PTPRD: variants seen among roughly 807,000 people sequenced by gnomAD.
The protein encoded by PTPRD is protein tyrosine phosphatase receptor type D, also known as receptor-type tyrosine-protein phosphatase delta.
A neutral mutation model predicts 214.5 loss-of-function variants in PTPRD; 34 were observed. That is an observed-to-expected ratio of 0.16 (90% CI 0.12 to 0.21). PTPRD has a LOEUF of 0.21. PTPRD is among the 10% of genes least tolerant of loss of function. The probability of loss-of-function intolerance (pLI) is 1.00; values close to 1 mark genes in which losing one functional copy is unlikely to be tolerated. For synonymous variants in PTPRD, 1,128 were observed against 845.7 expected, an observed-to-expected ratio of 1.33 and a Z score of -5.79; for missense variants, 2,545 against 2,398.7, an observed-to-expected ratio of 1.06 and a Z score of -1.27.
At chr9:9,486,245 G>T (rs1451184211) in intron 8 of PTPRD, among the ~76,000 whole-genome samples, 1 of 131,774 alleles carries the variant, frequency 7.6e-6, no homozygotes, top group African/African-American at 2.9e-5. Flanking sequence ...CTTTCACAGA[G>T]AACCTTGAAT....
intron 3 of PTPRD, among the ~76,000 whole-genome samples, chr9:10,075,556 T>C (rs536023688): frequency 5.3e-5 from 8 of 152,166 alleles, no homozygotes; most frequent in East Asian, 1.9e-4. Flanking sequence ...TGGGGGATTT[T>C]AATCAGTTTT....
intron 10 of PTPRD, among the ~76,000 whole-genome samples, chr9:9,182,081 G>C (rs1284947706): frequency 6.6e-6 from 1 of 151,986 alleles, no homozygotes; most frequent in Non-Finnish European, 1.5e-5. Context: ...TTTTGGGGAA[G>C]GTAAGCTGAA....
chr9:8,490,738 A>G (rs2097133105), intron 27 of PTPRD, among the ~76,000 whole-genome samples: 1 of 152,238 alleles, frequency 6.6e-6, no homozygotes, highest in South Asian at 2.1e-4. Context: ...GGTTATATGA[A>G]TCTTACGTAG....
intron 7 of PTPRD, among the ~76,000 whole-genome samples, chr9:9,637,407 T>C (rs547751133): frequency 9.8e-4 from 150 of 152,322 alleles, no homozygotes; most frequent in African/African-American, 3.5e-3. Context: ...GCATAGAATA[T>C]ACATTCCAAT....
chr9:9,929,422 C>A (rs2085557348), intron 5 of PTPRD, among the ~76,000 whole-genome samples: 2 of 152,130 alleles, frequency 1.3e-5, no homozygotes, highest in Non-Finnish European at 2.9e-5. Flanking sequence ...GACAGAGTCT[C>A]ACTACTCTGT....
At chr9:9,535,626 T>C (rs1040362311) in intron 8 of PTPRD, among the ~76,000 whole-genome samples, 1 of 152,106 alleles carries the variant, frequency 6.6e-6, no homozygotes, top group Non-Finnish European at 1.5e-5. Context: ...ACAATGTATA[T>C]AGTTTTAAAC....
chr9:8,592,929 GGACAATATAAACAAATAT>G (rs1410435719), intron 14 of PTPRD, among the ~76,000 whole-genome samples: 1 of 152,124 alleles, frequency 6.6e-6, no homozygotes, highest in Admixed American at 6.5e-5. Flanking sequence ...GAATCAAGAA[GGACAATATAAACAAATAT>G]GAAAGCAATT....
intron 6 of PTPRD, among the ~76,000 whole-genome samples, chr9:9,762,484 T>C (rs534331661): frequency 9.8e-5 from 15 of 152,304 alleles, no homozygotes; most frequent in African/African-American, 3.6e-4. Context: ...TTCCTCTCTC[T>C]CCTCTGACAT....
intron 39 of PTPRD, among the ~76,000 whole-genome samples, chr9:8,345,072 G>T (rs10118873): frequency 6.6e-6 from 1 of 151,952 alleles, no homozygotes; most frequent in African/African-American, 2.4e-5. Flanking sequence ...TCTTGCTTTC[G>T]TCTACTCTCT....
At position 9,247,561 on chromosome 9, in the gene PTPRD, A is replaced by G. The variant is rs1317486246; in HGVS notation, c.-202-64198T>C. Among the ~76,000 whole-genome samples the G allele has an allele frequency of 2.6e-5, 4 of 152,028 alleles. No homozygotes were observed. The East Asian group carries it at 7.8e-4, about 30-fold the overall frequency. On this transcript the variant is annotated intron_variant, in intron 9 of 45. Transcript: ENST00000381196. Reference sequence around the variant, plus strand: ...TTTCTGCCTCTACAAATCAAAACGAATTTAAAATTTCTTTTCTTCTATATA... The same window carrying G: ...TTTCTGCCTCTACAAATCAAAACGAGTTTAAAATTTCTTTTCTTCTATATA...
chr9:8,611,116 A>C (rs957361710), intron 14 of PTPRD, among the ~76,000 whole-genome samples: 5 of 152,224 alleles, frequency 3.3e-5, no homozygotes. Context: ...TATAATCACT[A>C]AAATAGATGT....
At chr9:10,367,523 G>C (rs13294671) in intron 2 of PTPRD, among the ~76,000 whole-genome samples, 1 of 152,064 alleles carries the variant, frequency 6.6e-6, no homozygotes, top group Non-Finnish European at 1.5e-5. Context: ...AAAGTTTCAC[G>C]TCCTGGAAGC....
chr9:9,133,156 T>A (rs1199039919), intron 10 of PTPRD, among the ~76,000 whole-genome samples: 1 of 152,156 alleles, frequency 6.6e-6, no homozygotes, highest in Non-Finnish European at 1.5e-5. Context: ...AACAAATGAA[T>A]GCATGTTAAG....
At chr9:8,741,652 C>T (rs1172353284) in intron 11 of PTPRD, among the ~76,000 whole-genome samples, 4 of 133,278 alleles carry the variant, frequency 3.0e-5, no homozygotes, top group Admixed American at 8.1e-5. Flanking sequence ...GGTGTGATCT[C>T]GGCTCACTGC....
intron 4 of PTPRD, among the ~76,000 whole-genome samples, chr9:9,953,394 G>A (rs781089769): frequency 6.6e-6 from 1 of 151,752 alleles, no homozygotes; most frequent in Admixed American, 6.6e-5. Flanking sequence ...TAAAATCTCA[G>A]AATTCAACAC....
intron 7 of PTPRD, among the ~76,000 whole-genome samples, chr9:9,669,529 T>G (rs1035648965): frequency 2.4e-4 from 36 of 152,150 alleles, no homozygotes; most frequent in African/African-American, 8.7e-4. Context: ...TTTTGAAAAT[T>G]GATACTTCTT....
chr9:9,207,130 A>G lies in PTPRD; in HGVS notation c.-202-23767T>C, dbSNP rs577083152. On this transcript the variant is annotated intron_variant, in intron 9 of 45. Transcript: ENST00000381196. ...GGTGACTGAAAAAAACAAGAAGTCA[A>G]GTTTGACTCTTAAGCTTTTTGGTCT... Among the ~76,000 whole-genome samples the G allele has an allele frequency of 2.6e-5, 4 of 152,294 alleles. No homozygotes were observed. In the East Asian group the frequency reaches 7.7e-4, roughly 29 times the overall value.
At chr9:9,125,162 A>G (rs530652361) in intron 10 of PTPRD, among the ~76,000 whole-genome samples, 1 of 152,188 alleles carries the variant, frequency 6.6e-6, no homozygotes, top group Non-Finnish European at 1.5e-5. Flanking sequence ...ACAGTAGAGC[A>G]GCTATCCTTA....
chr9:10,328,473 A>C (rs1218077104), intron 3 of PTPRD, among the ~76,000 whole-genome samples: 1 of 151,728 alleles, frequency 6.6e-6, no homozygotes, highest in African/African-American at 2.4e-5. Context: ...TGTGCATTGC[A>C]CACCCCTACA....
Sources: allele counts gnomAD v4.1 joint callset (sites outside exome capture counted in the v4.1 genomes callset), GRCh38; gene constraint gnomAD v4.1.1; transcripts MANE v1.5; gene names NCBI Gene and HGNC (gene_info 2026-07-23, HGNC 2026-07-21).